Variants in TRAPPC9 observed in about 807,000 individuals in gnomAD.
TRAPPC9 encodes the protein trafficking protein particle complex subunit 9, also known as IKK2 binding protein.
TRAPPC9 carries 83 observed loss-of-function variants against 124.0 expected under a neutral mutation model. The ratio of observed to expected loss-of-function variants is 0.67; its 90% CI spans 0.56 to 0.80. The LOEUF (loss-of-function observed/expected upper bound fraction) is 0.80, where lower values mean the gene tolerates loss of function less well. Among genes scored for constraint, TRAPPC9 ranks in the 30% least tolerant of loss-of-function variants. The pLI is 0.00. For synonymous variants in TRAPPC9, 638 were observed against 617.5 expected (o/e 1.03, Z -0.49); for missense variants, 1,302 against 1,508.3 (o/e 0.86, Z 2.27).
intron 21 of TRAPPC9, among the ~76,000 whole-genome samples, chr8:139,784,606 G>GATATATATAT (rs1463265666): frequency 1.6e-4 from 5 of 30,440 alleles, no homozygotes; most frequent in African/African-American, 4.9e-4. Flanking sequence ...ATAAAAGACT[G>GATATATATAT]ACATATATAT....
At chr8:140,448,441 C>T (rs1236432149) in intron 2 of TRAPPC9, among the ~76,000 whole-genome samples, 1 of 152,248 alleles carries the variant, frequency 6.6e-6, no homozygotes, top group East Asian at 1.9e-4. Flanking sequence ...ACTCCCGCTC[C>T]TCCTGCAGAG....
intron 17 of TRAPPC9, among the ~76,000 whole-genome samples, chr8:140,081,018 A>C (rs1048259034): frequency 3.9e-5 from 6 of 152,172 alleles, no homozygotes; most frequent in Non-Finnish European, 5.9e-5. Context: ...CTGTGCCACC[A>C]ACCAGGAAAG....
intron 17 of TRAPPC9, among the ~76,000 whole-genome samples, chr8:140,047,796 C>A (rs1841712679): frequency 6.6e-6 from 1 of 152,222 alleles, no homozygotes; most frequent in African/African-American, 2.4e-5. Flanking sequence ...TCTACCACCA[C>A]CCTTAGCAGA....
At chr8:140,445,553 C>A (rs1193697342) in intron 2 of TRAPPC9, among the ~76,000 whole-genome samples, 2 of 152,204 alleles carry the variant, frequency 1.3e-5, no homozygotes, top group African/African-American at 4.8e-5. Context: ...CCGGGCCAGG[C>A]TGTCCCCATG....
intron 7 of TRAPPC9, among the ~76,000 whole-genome samples, chr8:140,373,002 G>C (rs895341486): frequency 1.3e-5 from 2 of 152,154 alleles, no homozygotes; most frequent in Admixed American, 1.3e-4. Context: ...GCCCCAACCT[G>C]CTCTGGAAAT....
chr8:140,393,662 C>A (rs976326834), intron 7 of TRAPPC9, among the ~76,000 whole-genome samples: 3 of 152,140 alleles, frequency 2.0e-5, no homozygotes, highest in African/African-American at 7.2e-5. Context: ...GCAGAAGGAA[C>A]CTGCAATAAT....
At chr8:140,296,956 C>T (rs28476721) in intron 11 of TRAPPC9, among the ~76,000 whole-genome samples, 57,241 of 152,142 alleles carry the variant, frequency 0.38, 11,251 homozygotes, top group Middle Eastern at 0.49. Flanking sequence ...ACAGCAAGTC[C>T]GGGGCCAGGG....
chr8:140,127,962 T>C (rs2061128944), intron 17 of TRAPPC9, among the ~76,000 whole-genome samples: 1 of 152,242 alleles, frequency 6.6e-6, no homozygotes, highest in Admixed American at 6.5e-5. Context: ...GTAAGCAGTG[T>C]GGTGGCTTTT....
chr8:140,133,929 G>A (rs555461987), intron 17 of TRAPPC9, among the ~76,000 whole-genome samples: 20 of 149,390 alleles, frequency 1.3e-4, no homozygotes, highest in African/African-American at 3.4e-4. Flanking sequence ...GACATCCCAC[G>A]TTCATGGATA....
At chr8:139,914,495 A>G (rs1461768105) in intron 19 of TRAPPC9, among the ~76,000 whole-genome samples, 1 of 152,232 alleles carries the variant, frequency 6.6e-6, no homozygotes, top group African/African-American at 2.4e-5. Flanking sequence ...AGATGGCGGC[A>G]GGCTTCAGAG....
intron 18 of TRAPPC9, among the ~76,000 whole-genome samples, chr8:140,005,708 G>T (rs1838703836): frequency 6.6e-6 from 1 of 152,016 alleles, no homozygotes; most frequent in Non-Finnish European, 1.5e-5. Context: ...ACTGGAACTT[G>T]ACCTACAGAT....
chr8:139,810,491 G>C (rs944256495), intron 21 of TRAPPC9, among the ~76,000 whole-genome samples: 1 of 152,186 alleles, frequency 6.6e-6, no homozygotes, highest in Non-Finnish European at 1.5e-5. Context: ...TTACATCTCA[G>C]AAACCAGCAA....
Position 140,445,860 on chromosome 8 carries a change from C to A in TRAPPC9, c.584+4930G>T, listed in dbSNP as rs184974457. 7.9e-5 allele frequency among the ~76,000 whole-genome samples: 12 copies of A among 152,208 alleles called. No individual in the cohort carries two copies. The South Asian group carries it at 8.3e-4, about 10-fold the overall frequency. On this transcript the variant is annotated intron_variant, in intron 2 of 22. Transcript: ENST00000438773. ...GTGGCAGCAGGTCACAGAGCGAGAACCTTTCCCTGAGGGGGATGAAACCAC... is the reference window on the plus strand; with the variant it reads ...GTGGCAGCAGGTCACAGAGCGAGAAACTTTCCCTGAGGGGGATGAAACCAC...
Position 140,053,892 on chromosome 8 carries a change from T to A in TRAPPC9, c.2557-29813A>T, listed in dbSNP as rs1047547456. On this transcript the variant is annotated intron_variant, in intron 17 of 22. Transcript: ENST00000438773. ...TACTCATATGCTTATTGCAGCACTATTCACATTAGCAAAGTTACGAAATCA... is the reference window on the plus strand; with the variant it reads ...TACTCATATGCTTATTGCAGCACTAATCACATTAGCAAAGTTACGAAATCA... Among the ~76,000 whole-genome samples, 8 of 152,246 alleles carry A rather than the reference T, an allele frequency of 5.3e-5. 1 individual carries two copies. Among genetic ancestry groups the A allele is most frequent in the African/African-American group, 1.9e-4 (8 of 41,468 alleles).
chr8:140,438,906 G>A, intron 3 of TRAPPC9, 146 bp downstream of exon 3: 1 of 926,636 alleles, frequency 1.1e-6, no homozygotes, highest in South Asian at 1.4e-5. Context: ...TGGCCAGGAT[G>A]GTCTCAATCT....
chr8:140,031,109 G>A lies in TRAPPC9; in HGVS notation c.2557-7030C>T, dbSNP rs1402679612. 3.9e-5 allele frequency among the ~76,000 whole-genome samples: 6 copies of A among 152,314 alleles called. No individual in the cohort carries two copies. The East Asian group carries it at 1.2e-3, about 29-fold the overall frequency. On this transcript the variant is annotated intron_variant, in intron 17 of 22. Coordinates refer to ENST00000438773, the MANE Select transcript of TRAPPC9 (RefSeq NM_001160372.4). ...GAATCTAAGTCACAATGTGGGCCAC[G>A]TTGATGTGGGACCAGCCATGTCTAA... is the stretch of plus-strand genomic sequence containing the variant.
At chr8:139,910,445 A>C in intron 19 of TRAPPC9, 145 bp from the exon 20 acceptor site, 1 of 929,662 alleles carries the variant, frequency 1.1e-6, no homozygotes, top group Non-Finnish European at 1.7e-6. Context: ...CAAGAAAATG[A>C]AATAATAGAC....
chr8:140,207,620 T>A (rs140126069), intron 17 of TRAPPC9, among the ~76,000 whole-genome samples: 1 of 152,352 alleles, frequency 6.6e-6, no homozygotes, highest in Non-Finnish European at 1.5e-5. Context: ...CACCTAGCAC[T>A]GCAAAGATTC....
Position 139,732,103 on chromosome 8 carries a change from G to A in TRAPPC9, c.3155C>T (p.Pro1052Leu), listed in dbSNP as rs759355522. ...RLEVRLTNRSPRSVGPFALTV... is the reference protein window; with the variant it reads ...RLEVRLTNRSLRSVGPFALTV... ...GAGGGCGAAGGGCCCTACGCTGCGCGGGCTCCGGTTGGTCAGCCGCACCTC... is the reference window on the plus strand; with the variant it reads ...GAGGGCGAAGGGCCCTACGCTGCGCAGGCTCCGGTTGGTCAGCCGCACCTC... The change falls in exon 22 of 23, where the codon CCG becomes CTG. Residue 1052 changes from proline (P) to leucine (L), a missense_variant. By Grantham distance (98) the Pro-to-Leu change is moderately conservative. Coordinates refer to ENST00000438773, the MANE Select transcript of TRAPPC9 (RefSeq NM_001160372.4). 18 of 1,606,504 alleles carry A rather than the reference G, an allele frequency of 1.1e-5. No homozygotes were observed. The highest frequency in any genetic ancestry group is 2.7e-5 in the African/African-American group (2 of 74,826).
Sources: allele counts gnomAD v4.1 joint callset (sites outside exome capture counted in the v4.1 genomes callset), GRCh38; gene constraint gnomAD v4.1.1; transcripts MANE v1.5; gene names NCBI Gene and HGNC (gene_info 2026-07-23, HGNC 2026-07-21).